Variants in ROBO1 observed in about 807,000 individuals in gnomAD.
ROBO1 encodes roundabout guidance receptor 1.
In ROBO1, 149 loss-of-function variants were observed where a neutral mutation model predicts 195.9. The ratio of observed to expected loss-of-function variants is 0.76; its 90% CI spans 0.67 to 0.87. ROBO1 has a LOEUF of 0.87. ROBO1 is among the 40% of genes least tolerant of loss of function. ROBO1 has a pLI of 0.00. For missense variants in ROBO1, 1,933 were observed against 2,068.3 expected (o/e 0.93, Z 1.27); for synonymous variants, 816 against 733.2 (o/e 1.11, Z -1.82).
At chr3:79,648,664 A>T (rs1198985966) in intron 1 of ROBO1, among the ~76,000 whole-genome samples, 5 of 152,124 alleles carry the variant, frequency 3.3e-5, no homozygotes, top group African/African-American at 1.2e-4. Context: ...ATTCAGAGTA[A>T]ATGGCTGAAT....
At chr3:78,726,358 T>G (rs1197626637) in intron 5 of ROBO1, among the ~76,000 whole-genome samples, 1 of 152,202 alleles carries the variant, frequency 6.6e-6, no homozygotes, top group Non-Finnish European at 1.5e-5. Flanking sequence ...ACTAAATTTT[T>G]ACAATTTTCT....
chr3:79,168,703 A>C (rs2081114152), intron 2 of ROBO1, among the ~76,000 whole-genome samples: 1 of 152,158 alleles, frequency 6.6e-6, no homozygotes, highest in South Asian at 2.1e-4. Context: ...TTAGTTAGGC[A>C]ACATTGACTC....
chr3:78,882,881 T>C (rs1365986406), intron 4 of ROBO1, among the ~76,000 whole-genome samples: 1 of 150,866 alleles, frequency 6.6e-6, no homozygotes, highest in Non-Finnish European at 1.5e-5. Context: ...GGTGTGATCT[T>C]GGCTCACTGC....
intron 2 of ROBO1, among the ~76,000 whole-genome samples, chr3:79,219,363 A>C (rs1385722995): frequency 6.6e-6 from 1 of 151,988 alleles, no homozygotes; most frequent in Non-Finnish European, 1.5e-5. Context: ...CATACCGAGG[A>C]AGTAAATAAA....
chr3:79,692,943 T>C (rs1222605287), intron 1 of ROBO1, among the ~76,000 whole-genome samples: 2 of 151,820 alleles, frequency 1.3e-5, no homozygotes, highest in Non-Finnish European at 2.9e-5. Context: ...TCTGAAGTAA[T>C]TTTATACAAT....
At chr3:78,666,751 G>A (rs1036019256) in intron 14 of ROBO1, among the ~76,000 whole-genome samples, 7 of 152,174 alleles carry the variant, frequency 4.6e-5, no homozygotes, top group African/African-American at 1.4e-4. Flanking sequence ...CAAAAAGACT[G>A]TTTCTGTACA....
intron 6 of ROBO1, among the ~76,000 whole-genome samples, 172 bp downstream of exon 6, chr3:78,717,591 C>A (rs2081934060): frequency 6.6e-6 from 1 of 152,060 alleles, no homozygotes; most frequent in Non-Finnish European, 1.5e-5. Context: ...TAGTCCTCCT[C>A]CCACATCTTT....
chr3:79,054,003 A>G (rs1336023419), intron 3 of ROBO1, among the ~76,000 whole-genome samples: 2 of 152,112 alleles, frequency 1.3e-5, no homozygotes, highest in African/African-American at 4.8e-5. Context: ...AACTTTTTGT[A>G]CTGAGGCCAT....
intron 2 of ROBO1, among the ~76,000 whole-genome samples, chr3:79,464,266 G>A (rs983759097): frequency 6.6e-5 from 10 of 151,972 alleles, no homozygotes; most frequent in Non-Finnish European, 1.2e-4. Context: ...ACATATTTTC[G>A]TTTGGCTTGA....
intron 4 of ROBO1, among the ~76,000 whole-genome samples, chr3:78,802,246 A>T (rs1396230502): frequency 6.6e-6 from 1 of 152,162 alleles, no homozygotes; most frequent in African/African-American, 2.4e-5. Context: ...CATGCTTTCT[A>T]TATCAAACTA....
At chr3:79,720,985 G>T (rs1434147897) in intron 1 of ROBO1, among the ~76,000 whole-genome samples, 1 of 152,048 alleles carries the variant, frequency 6.6e-6, no homozygotes, top group South Asian at 2.1e-4. Context: ...GTAAAGACAG[G>T]TTTTCATCGT....
intron 3 of ROBO1, chr3:79,019,472 C>A (rs2108266865): frequency 1.0e-6 from 1 of 986,236 alleles, no homozygotes; most frequent in Non-Finnish European, 1.2e-6. Flanking sequence ...TTGTGGGTTT[C>A]CCCCACAGTC....
At chr3:78,720,149 C>A (rs149176835) in intron 5 of ROBO1, among the ~76,000 whole-genome samples, 1 of 152,196 alleles carries the variant, frequency 6.6e-6, no homozygotes, top group Non-Finnish European at 1.5e-5. Flanking sequence ...AGTCCCCTGA[C>A]CTTAGTATCA....
At chr3:78,751,548 T>C (rs111611758) in intron 4 of ROBO1, among the ~76,000 whole-genome samples, 3 of 152,162 alleles carry the variant, frequency 2.0e-5, no homozygotes, top group African/African-American at 7.2e-5. Flanking sequence ...CCTGCCTATC[T>C]GGTCTTAACA....
intron 10 of ROBO1, among the ~76,000 whole-genome samples, chr3:78,680,130 T>C (rs1020831397): frequency 6.6e-6 from 1 of 152,222 alleles, no homozygotes; most frequent in African/African-American, 2.4e-5. Flanking sequence ...GCTAGTCATA[T>C]GTAGAAAGCT....
chr3:79,761,472 T>A (rs1259016071), intron 1 of ROBO1, among the ~76,000 whole-genome samples: 1 of 152,316 alleles, frequency 6.6e-6, no homozygotes, highest in East Asian at 1.9e-4. Context: ...TTACATTTAA[T>A]CTTTTATTAC....
At chr3:79,443,964 G>A (rs1048017800) in intron 2 of ROBO1, among the ~76,000 whole-genome samples, 4 of 150,898 alleles carry the variant, frequency 2.7e-5, no homozygotes, top group African/African-American at 7.3e-5. Flanking sequence ...AGAAAAACCG[G>A]GAGTGCACAT....
chr3:79,743,432 G>T (rs1244450793), intron 1 of ROBO1, among the ~76,000 whole-genome samples: 2 of 152,270 alleles, frequency 1.3e-5, no homozygotes, highest in East Asian at 1.9e-4. Flanking sequence ...GACTGAATTT[G>T]CTCTGAATGA....
chr3:79,199,022 A>T (rs535077515), intron 2 of ROBO1, among the ~76,000 whole-genome samples: 1 of 151,832 alleles, frequency 6.6e-6, no homozygotes, highest in East Asian at 1.9e-4. Context: ...CCCTTTATTT[A>T]TTTCTCTTGC....
Sources: allele counts gnomAD v4.1 joint callset (sites outside exome capture counted in the v4.1 genomes callset), GRCh38; gene constraint gnomAD v4.1.1; transcripts MANE v1.5; gene names NCBI Gene and HGNC (gene_info 2026-07-23, HGNC 2026-07-21).